The following TMEM87A variants were observed in gnomAD, a reference collection of about 807,000 sequenced individuals.
The protein encoded by TMEM87A is Golgi-pH regulating cation channel.
A neutral mutation model predicts 90.0 loss-of-function variants in TMEM87A; 50 were observed. That is an observed-to-expected ratio of 0.56 (90% CI 0.44 to 0.70). TMEM87A has a LOEUF of 0.70. TMEM87A is among the 30% of genes least tolerant of loss of function. TMEM87A has a pLI of 0.00. For synonymous variants in TMEM87A, 226 were observed against 226.7 expected (o/e 1.00, Z 0.03); for missense variants, 577 against 660.5 (o/e 0.87, Z 1.39).
chr15:42,231,921 G>A, intron 11 of TMEM87A: 1 of 1,263,798 alleles, frequency 7.9e-7, no homozygotes, highest in East Asian at 5.9e-5. Context: ...AAATACTATA[G>A]CAACAGCAGA....
intron 7 of TMEM87A, among the ~76,000 whole-genome samples, chr15:42,242,149 T>G (rs1312895590): frequency 6.8e-6 from 1 of 147,384 alleles, no homozygotes; most frequent in East Asian, 2.0e-4. Context: ...TTTCCAAGAA[T>G]CAAAACAGAA....
Position 42,273,400 on chromosome 15 carries a change from T to A in TMEM87A, c.-2A>T, listed in dbSNP as rs767925572. The A allele has an allele frequency of 6.2e-7, 1 of 1,613,924 alleles. No individual in the cohort carries two copies. On this transcript the variant is annotated 5_prime_UTR_variant, in exon 1 of 20. The change creates a new upstream start codon in the 5' untranslated region. Coordinates refer to ENST00000389834, the MANE Select transcript of TMEM87A (RefSeq NM_015497.5). ...CTGAAGCCACGCAGCCGCCGCCATC[T>A]TCACAGCCGTGGAGTGCCTACCGAA...
At chr15:42,264,772 A>G (rs1392965993) in intron 3 of TMEM87A, among the ~76,000 whole-genome samples, 6 of 149,938 alleles carry the variant, frequency 4.0e-5, no homozygotes, top group African/African-American at 1.5e-4. Context: ...CTGAACTCAC[A>G]GGGAACTGTT....
intron 13 of TMEM87A, among the ~76,000 whole-genome samples, chr15:42,228,321 T>C (rs1464264175): frequency 1.3e-5 from 2 of 152,194 alleles, no homozygotes; most frequent in Non-Finnish European, 2.9e-5. Context: ...TGCTGACATA[T>C]GTAAAACCAC....
chr15:42,232,436 T>A (rs1013393683), intron 11 of TMEM87A, among the ~76,000 whole-genome samples: 2 of 152,174 alleles, frequency 1.3e-5, no homozygotes, highest in South Asian at 4.1e-4. Context: ...GGAATAATTA[T>A]ACAATTCTCA....
chr15:42,222,644 C>T (rs550605470), intron 15 of TMEM87A, among the ~76,000 whole-genome samples: 6 of 152,060 alleles, frequency 3.9e-5, no homozygotes, highest in East Asian at 1.9e-4. Flanking sequence ...CTGCAACCTC[C>T]GCCTCCCGGG....
intron 6 of TMEM87A, among the ~76,000 whole-genome samples, chr15:42,256,837 T>C (rs2051193966): frequency 6.6e-6 from 1 of 152,054 alleles, no homozygotes; most frequent in South Asian, 2.1e-4. Context: ...CCCACTTCAG[T>C]CTCCCAAGTA....
At chr15:42,268,646 G>A (rs1269951134) in intron 2 of TMEM87A, among the ~76,000 whole-genome samples, 2 of 152,136 alleles carry the variant, frequency 1.3e-5, no homozygotes, top group African/African-American at 2.4e-5. Flanking sequence ...CAGCCTGGGC[G>A]ACAGAGCGAG....
intron 6 of TMEM87A, among the ~76,000 whole-genome samples, chr15:42,252,300 G>C (rs982852478): frequency 3.3e-5 from 5 of 152,198 alleles, no homozygotes; most frequent in African/African-American, 1.2e-4. Context: ...ACCTCAGTTG[G>C]AAATGCAGAA....
intron 13 of TMEM87A, among the ~76,000 whole-genome samples, 191 bp from the exon 14 acceptor site, chr15:42,227,960 A>G (rs763294958): frequency 2.6e-4 from 40 of 152,226 alleles, no homozygotes; most frequent in Non-Finnish European, 4.9e-4. Context: ...GGCTCATGAT[A>G]CATACTCTGG....
At chr15:42,267,304 T>C (rs1448102951) in intron 3 of TMEM87A, among the ~76,000 whole-genome samples, 5 of 152,126 alleles carry the variant, frequency 3.3e-5, no homozygotes, top group East Asian at 1.9e-4. Context: ...CTTATCAGAG[T>C]ACAAAAAAAG....
chr15:42,227,644 C>A, intron 14 of TMEM87A, 67 bp downstream of exon 14: 1 of 1,434,108 alleles, frequency 7.0e-7, no homozygotes, highest in Non-Finnish European at 9.8e-7. Context: ...AGAACCTTAC[C>A]ACTGTCATCA....
At position 42,214,775 on chromosome 15, in the gene TMEM87A, A is replaced by G. The variant is rs2050353018; in HGVS notation, c.1627-3026T>C. On this transcript the variant is annotated intron_variant, in intron 19 of 19. Coordinates refer to ENST00000389834, the MANE Select transcript of TMEM87A (RefSeq NM_015497.5). The stretch of plus-strand genomic sequence containing the variant: ...TAGAAGACAACCTAAGTTTCTTGAA[A>G]TTGGTCTTAGCAGTGATTTCTTGTC... Among the ~76,000 whole-genome samples, 3 of 152,238 alleles carry G rather than the reference A, an allele frequency of 2.0e-5. No homozygotes were observed. In the South Asian group the frequency reaches 6.2e-4, roughly 31 times the overall value.
chr15:42,226,543 G>C, intron 15 of TMEM87A: 2 of 398,172 alleles, frequency 5.0e-6, no homozygotes, highest in Non-Finnish European at 9.1e-6. Flanking sequence ...CAAAATGTCA[G>C]AGCTGAAAGG....
chr15:42,266,827 CTT>C (rs1238067664), intron 3 of TMEM87A, among the ~76,000 whole-genome samples: 2 of 152,072 alleles, frequency 1.3e-5, no homozygotes, highest in Non-Finnish European at 2.9e-5. Context: ...AAATTATTGT[CTT>C]GAGATAAAGC....
rs753659527 is a variant in TMEM87A at position 42,260,978 on chromosome 15, T to C, written c.484A>G (p.Thr162Ala). Residue 162 changes from threonine to alanine, a missense_variant, in exon 6 of 20, where the codon ACC becomes GCC. Thr to Ala is a moderately conservative substitution (Grantham distance 58). Coordinates refer to ENST00000389834, the MANE Select transcript of TMEM87A (RefSeq NM_015497.5). ...QEAKENGTNL[T>A]FIGDKTAMHE... is the part of the protein sequence containing the mutation. ...CTTACGGTTTTGTCTCCAATAAAGGTAAGGTTTGTTCCATTCTCCTTAGCC... is the reference window on the plus strand; with the variant it reads ...CTTACGGTTTTGTCTCCAATAAAGGCAAGGTTTGTTCCATTCTCCTTAGCC... 1.9e-6 allele frequency: 3 copies of C among 1,608,366 alleles called. No individual in the cohort carries two copies. The highest frequency in any genetic ancestry group is 2.5e-6 in the Non-Finnish European group (3 of 1,177,854).
intron 6 of TMEM87A, among the ~76,000 whole-genome samples, chr15:42,249,881 T>C (rs8032748): frequency 0.97 from 147,600 of 152,256 alleles, 71,663 homozygotes; most frequent in Non-Finnish European, 1. Context: ...TTAAAGTCTC[T>C]CATTATTATT....
chr15:42,263,545 G>T (rs2051337911), intron 4 of TMEM87A, among the ~76,000 whole-genome samples: 1 of 152,176 alleles, frequency 6.6e-6, no homozygotes, highest in African/African-American at 2.4e-5. Context: ...AAGAGTTCAA[G>T]ACCAGCCTGG....
chr15:42,261,280 A>C, intron 4 of TMEM87A, 31 bp from the exon 5 acceptor site: 3 of 1,596,160 alleles, frequency 1.9e-6, no homozygotes, highest in Middle Eastern at 1.7e-4. Context: ...AAAACATTAA[A>C]GGTGTGTAAA....
Sources: gnomAD v4.1 joint callset for allele counts (sites outside exome capture counted in the v4.1 genomes callset) on GRCh38, gnomAD v4.1.1 for gene constraint, MANE v1.5 for transcripts, NCBI Gene and HGNC (gene_info 2026-07-23, HGNC 2026-07-21) for gene names.